Variants in DIABLO observed in about 807,000 individuals in gnomAD.
DIABLO encodes the protein diablo IAP-binding mitochondrial protein, also known as diablo homolog, mitochondrial.
Under a neutral mutation model 31.7 loss-of-function variants are expected in DIABLO, and 32 were observed. That is an observed-to-expected ratio of 1.01 (90% CI 0.76 to 1.35). DIABLO has a LOEUF of 1.35. Ranked by LOEUF, DIABLO falls within the 40% of genes most tolerant of loss-of-function variation. The pLI, the probability that DIABLO is intolerant of heterozygous loss-of-function variation, is 0.00. For missense variants in DIABLO, 316 were observed against 286.4 expected (o/e 1.10, Z -0.75); for synonymous variants, 132 against 103.2 (o/e 1.28, Z -1.69).
intron 1 of DIABLO, chr12:122,225,123 G>A: frequency 6.3e-6 from 2 of 317,522 alleles, no homozygotes; most frequent in Non-Finnish European, 1.2e-5. Flanking sequence ...TGAGGCAGGA[G>A]AATCGCTTGA....
chr12:122,218,371 A>G lies in DIABLO; in HGVS notation c.210T>C (p.Ser70=). 1 of 1,614,160 alleles carries G rather than the reference A, an allele frequency of 6.2e-7. No individual in the cohort carries two copies. The highest frequency in any genetic ancestry group is 8.5e-7 in the Non-Finnish European group (1 of 1,180,016). Reference sequence around the variant, plus strand: ...ACACTGCTCTCCTCATCAATGCTTCACTACTAAGGGAATGAGGCTCTGATT... The same window carrying G: ...ACACTGCTCTCCTCATCAATGCTTCGCTACTAAGGGAATGAGGCTCTGATT... ...AQKSEPHSLS[S]EALMRRAVSL... is the part of the protein sequence containing the mutation. The change falls in exon 3 of 6, where the codon AGT becomes AGC. Residue 70 remains serine (S), a synonymous_variant. Transcript: ENST00000464942.
intron 5 of DIABLO, among the ~76,000 whole-genome samples, chr12:122,215,667 A>G (rs114135689): frequency 0.012 from 1,877 of 152,156 alleles, 46 homozygotes; most frequent in African/African-American, 0.043. Context: ...AGGATGTTCT[A>G]TGATGGGCAC....
Position 122,208,356 on chromosome 12 carries a change from G to GA in DIABLO, c.*24dup. Reference sequence around the variant, plus strand: ...GCCCCTGCTTTCCCCACTGAGTGGGGAGACAGGGCAGTGTGCTCAGGCCCT... The same window carrying GA: ...GCCCCTGCTTTCCCCACTGAGTGGGGAAGACAGGGCAGTGTGCTCAGGCCCT... On this transcript the variant is annotated 3_prime_UTR_variant, in exon 6 of 6. Transcript: ENST00000464942. 6.2e-7 allele frequency: 1 copy of GA among 1,610,378 alleles called. No homozygotes were observed. The highest frequency in any genetic ancestry group is 8.5e-7 in the Non-Finnish European group (1 of 1,179,806).
rs1953983070 is a variant in DIABLO at position 122,208,362 on chromosome 12, G to C, written c.*19C>G. On this transcript the variant is annotated 3_prime_UTR_variant, in exon 6 of 6. Transcript: ENST00000464942. The stretch of plus-strand genomic sequence containing the variant: ...GCTTTCCCCACTGAGTGGGGAGACA[G>C]GGCAGTGTGCTCAGGCCCTCAATCC... 3.1e-6 allele frequency: 5 copies of C among 1,610,930 alleles called. No individual in the cohort carries two copies. The highest frequency in any genetic ancestry group is 2.2e-5 in the East Asian group (1 of 44,888).
At chr12:122,215,826 T>C (rs894467965) in intron 5 of DIABLO, among the ~76,000 whole-genome samples, 1 of 145,028 alleles carries the variant, frequency 6.9e-6, no homozygotes, top group Non-Finnish European at 1.5e-5. Flanking sequence ...TGCTTGAGCC[T>C]AGGATTTCGA....
intron 5 of DIABLO, among the ~76,000 whole-genome samples, chr12:122,213,180 C>G (rs1419284096): frequency 2.0e-5 from 3 of 151,016 alleles, no homozygotes; most frequent in Admixed American, 6.7e-5. Flanking sequence ...TCCCGAAGTG[C>G]TGGGATTACA....
chr12:122,226,057 C>A (rs755664085), upstream of DIABLO: 21 of 1,584,294 alleles, frequency 1.3e-5, no homozygotes, highest in South Asian at 2.4e-4. Context: ...GGAAGTGACG[C>A]AGCTTCGTGA....
In DIABLO at chr12:122,207,718, T is replaced by C; in HGVS notation, c.*663A>G. The C allele has an allele frequency of 3.8e-6, 2 of 532,834 alleles. No individual in the cohort carries two copies. Among genetic ancestry groups the C allele is most frequent in the South Asian group, 3.1e-5 (2 of 65,164 alleles). 33.0% of individuals were successfully genotyped at this position (532,834 alleles called of 1,614,324 possible). A position where few individuals can be genotyped will look rare whatever the true frequency, so the allele number is the denominator to read the frequency against. On this transcript the variant is annotated 3_prime_UTR_variant, in exon 6 of 6. Coordinates refer to ENST00000464942, the MANE Select transcript of DIABLO (RefSeq NM_001371333.1). ...CAGATGCAAACAAAATCTTACACTCTTCTCCTTTGGATACAATAGAGAAAC... is the reference window on the plus strand; with the variant it reads ...CAGATGCAAACAAAATCTTACACTCCTCTCCTTTGGATACAATAGAGAAAC...
chr12:122,215,690 C>T (rs759110502), intron 5 of DIABLO, among the ~76,000 whole-genome samples: 5 of 151,846 alleles, frequency 3.3e-5, no homozygotes, highest in East Asian at 1.9e-4. Context: ...TGGGGCACCA[C>T]GGTGCAAAGG....
At chr12:122,221,059 C>G (rs1423465477) in intron 2 of DIABLO, 2 of 152,178 alleles carry the variant, frequency 1.3e-5, no homozygotes, top group African/African-American at 4.8e-5. Flanking sequence ...AGACCTCAAA[C>G]CAAATCTCAC....
chr12:122,217,052 C>T, intron 3 of DIABLO, 183 bp from the exon 4 acceptor site: 1 of 566,220 alleles, frequency 1.8e-6, no homozygotes, highest in Admixed American at 2.9e-5. Context: ...GTATCTCCAT[C>T]TGTAAACTTC....
rs780074814 is a variant in DIABLO at position 122,208,414 on chromosome 12, C to T, written c.687G>A (p.Glu229=). The change falls in exon 6 of 6, where the codon GAG becomes GAA. Residue 229 remains glutamate (E), a synonymous_variant. Transcript: ENST00000464942. ...CACGCAGGTAGGCCTCCTGCTCCGA[C>T]TCAGCCCGCTCCTCCCCTTCCTCCT... The part of the protein sequence containing the change: ...KTQEEGEERA[E]SEQEAYLRED 1.2e-6 allele frequency: 2 copies of T among 1,613,342 alleles called. No individual in the cohort carries two copies. Among genetic ancestry groups the T allele is most frequent in the Middle Eastern group, 1.8e-4 (1 of 5,662 alleles).
Position 122,218,339 on chromosome 12 carries a change from A to C in DIABLO, c.242T>G (p.Val81Gly). 1 of 1,614,200 alleles carries C rather than the reference A, an allele frequency of 6.2e-7. No individual in the cohort carries two copies. The highest frequency in any genetic ancestry group is 8.5e-7 in the Non-Finnish European group (1 of 1,180,036). Residue 81 changes from valine (V) to glycine (G), a missense_variant, in exon 3 of 6, where the codon GTA (valine) becomes GGA (glycine). By Grantham distance (109) the Val-to-Gly change is moderately radical. Transcript: ENST00000464942. ...GAGAAAGGTAGAGGTGCTATCTGTT[A>C]CCAAAGACACTGCTCTCCTCATCAA... ...EALMRRAVSL[V>G]TDSTSTFLSQ...
intron 5 of DIABLO, among the ~76,000 whole-genome samples, chr12:122,212,544 TC>T (rs1465165920): frequency 2.0e-5 from 3 of 152,052 alleles, no homozygotes; most frequent in Admixed American, 1.3e-4. Context: ...TTGTAGGTAA[TC>T]TATTTTTTCT....
At position 122,225,987 on chromosome 12, in the gene DIABLO, G is replaced by A. The variant is rs370060703; in HGVS notation, c.28C>T (p.Arg10Cys). 7.5e-6 allele frequency: 12 copies of A among 1,602,536 alleles called. No homozygotes were observed. Among genetic ancestry groups the A allele is most frequent in the East Asian group, 2.2e-5 (1 of 44,450 alleles). MAALKSWLS[R>C]SVTSFFRYRQ... is the part of the protein sequence containing the mutation. ...TACCTGAAGAATGAAGTTACGCTGC[G>A]CGACAGCCAACTCTTCAGAGCCGCC... The change falls in exon 1 of 6, where the codon CGC (arginine) becomes TGC (cysteine). Residue 10 changes from arginine (R) to cysteine (C), a missense_variant. By Grantham distance (180) the Arg-to-Cys change is radical. Transcript: ENST00000464942.
At chr12:122,216,654 T>C (rs1357303062) in intron 4 of DIABLO, 70 bp from the exon 5 acceptor site, 11 of 1,558,218 alleles carry the variant, frequency 7.1e-6, no homozygotes, top group Non-Finnish European at 8.9e-6. Flanking sequence ...CTTAAAGTAG[T>C]AGATTTAGAG....
intron 5 of DIABLO, among the ~76,000 whole-genome samples, chr12:122,210,221 A>T (rs188193837): frequency 1.3e-5 from 2 of 152,202 alleles, no homozygotes; most frequent in Non-Finnish European, 1.5e-5. Flanking sequence ...CAGTAGTAAG[A>T]GGAGGCTTGT....
At chr12:122,226,463 G>A (rs1466853823), upstream of DIABLO, 3 of 699,146 alleles carry the variant, frequency 4.3e-6, no homozygotes, top group East Asian at 2.7e-5. Context: ...TGGTCCAGCC[G>A]GCCAGCAGCA....
chr12:122,224,803 G>C (rs1212211304), intron 1 of DIABLO, 159 bp from the exon 2 acceptor site: 4 of 1,538,894 alleles, frequency 2.6e-6, no homozygotes, highest in Non-Finnish European at 2.6e-6. Context: ...CATACACCAA[G>C]TTTAAAATGT....
Sources: allele counts gnomAD v4.1 joint callset (sites outside exome capture counted in the v4.1 genomes callset), GRCh38; gene constraint gnomAD v4.1.1; transcripts MANE v1.5; gene names NCBI Gene and HGNC (gene_info 2026-07-23, HGNC 2026-07-21).